CCDC201: variants seen among roughly 807,000 people sequenced by gnomAD.
CCDC201 encodes the protein coiled-coil domain containing 201.
the CCDC201 span, among the ~76,000 whole-genome samples, chr7:45,883,975 C>CT: frequency 5.3e-5 from 8 of 151,588 alleles, no homozygotes; most frequent in Non-Finnish European, 1.0e-4. Flanking sequence ...CTTTTTCTTT[C>CT]TTTCTTTTCT....
At chr7:45,864,024 G>A (rs938423019) in intron 2 of CCDC201, among the ~76,000 whole-genome samples, 39 of 152,248 alleles carry the variant, frequency 2.6e-4, no homozygotes, top group African/African-American at 8.7e-4. Flanking sequence ...TCATCTGGTA[G>A]GAGGACCAGC....
the CCDC201 span, among the ~76,000 whole-genome samples, chr7:45,881,473 G>A: frequency 0.01 from 1,594 of 152,228 alleles, 27 homozygotes; most frequent in African/African-American, 0.035. Context: ...TGTGGGATGC[G>A]CCCCCAGAGG....
upstream of CCDC201, among the ~76,000 whole-genome samples, chr7:45,875,646 C>T (rs1028524367): frequency 2.0e-5 from 3 of 152,082 alleles, no homozygotes; most frequent in African/African-American, 4.8e-5. Context: ...CCCTTAGCAC[C>T]GTCAATTCAT....
the CCDC201 span, among the ~76,000 whole-genome samples, chr7:45,883,095 T>TAAACG: frequency 6.6e-6 from 1 of 152,140 alleles, no homozygotes; most frequent in African/African-American, 2.4e-5. Context: ...TAGTAAACGT[T>TAAACG]TATGAAACAC....
chr7:45,872,892 G>T (rs1786757546), intron 1 of CCDC201, 98 bp downstream of exon 1: 1 of 152,914 alleles, frequency 6.5e-6, no homozygotes, highest in South Asian at 2.1e-4. Flanking sequence ...CCAACCTCTT[G>T]CTCGGGCAGC....
exon 3 of CCDC201, chr7:45,861,335 C>T (rs1042588537): frequency 6.6e-6 from 1 of 151,658 alleles, no homozygotes; most frequent in Non-Finnish European, 1.5e-5. Context: ...AATTTTGTAA[C>T]CCAATAATAT....
At chr7:45,864,187 C>G (rs2116516516) in intron 2 of CCDC201, among the ~76,000 whole-genome samples, 1 of 152,304 alleles carries the variant, frequency 6.6e-6, no homozygotes, top group Middle Eastern at 3.4e-3. Flanking sequence ...TCTGGACTCC[C>G]AGAAACTCAG....
intron 1 of CCDC201, among the ~76,000 whole-genome samples, chr7:45,869,580 T>C (rs1786719563): frequency 6.6e-6 from 1 of 152,192 alleles, no homozygotes; most frequent in Admixed American, 6.5e-5. Flanking sequence ...AGTATGTTTA[T>C]TTTGTACATC....
chr7:45,862,952 C>T (rs1017137505), exon 3 of CCDC201: 5 of 152,298 alleles, frequency 3.3e-5, no homozygotes, highest in Non-Finnish European at 5.9e-5. Flanking sequence ...CTTCTCAAAC[C>T]TGTTTTTCCC....
At chr7:45,876,097 G>A (rs1359804142), upstream of CCDC201, among the ~76,000 whole-genome samples, 2 of 152,302 alleles carry the variant, frequency 1.3e-5, no homozygotes, top group East Asian at 3.9e-4. Context: ...GAGGACAGCA[G>A]AGTGTGTCCT....
At chr7:45,884,099 C>G in the CCDC201 span, among the ~76,000 whole-genome samples, 1 of 118,946 alleles carries the variant, frequency 8.4e-6, no homozygotes, top group African/African-American at 3.0e-5. Flanking sequence ...CTTTCTTTCT[C>G]TCCTCTCTCT....
upstream of CCDC201, among the ~76,000 whole-genome samples, chr7:45,877,905 G>A (rs1786833582): frequency 6.6e-6 from 1 of 152,182 alleles, no homozygotes; most frequent in African/African-American, 2.4e-5. Flanking sequence ...AATCTCATCT[G>A]AGACAAAGAA....
chr7:45,861,780 G>T (rs1373823043), exon 3 of CCDC201: 1 of 152,254 alleles, frequency 6.6e-6, no homozygotes. Flanking sequence ...GACTCCAGAT[G>T]CCAGCCCACC....
chr7:45,880,953 C>T, the CCDC201 span, among the ~76,000 whole-genome samples: 1 of 152,106 alleles, frequency 6.6e-6, no homozygotes, highest in Admixed American at 6.5e-5. Flanking sequence ...CTGACAGAAT[C>T]CCCATGGGGG....
the CCDC201 span, among the ~76,000 whole-genome samples, chr7:45,883,354 A>G: frequency 1.3e-5 from 2 of 152,136 alleles, no homozygotes; most frequent in African/African-American, 2.4e-5. Flanking sequence ...AGTATAACCC[A>G]ATGTGAGATC....
intron 2 of CCDC201, among the ~76,000 whole-genome samples, chr7:45,864,774 C>G (rs995977720): frequency 6.6e-6 from 1 of 152,130 alleles, no homozygotes; most frequent in African/African-American, 2.4e-5. Context: ...CAGAACTGAG[C>G]AACTCTCCTA....
At chr7:45,861,014 T>A (rs1203069958) in exon 3 of CCDC201, 1 of 152,224 alleles carries the variant, frequency 6.6e-6, no homozygotes, top group African/African-American at 2.4e-5. Context: ...TTCTTCTGAG[T>A]GCTGATAATT....
exon 3 of CCDC201, chr7:45,861,481 T>C (rs1252925494): frequency 1.3e-5 from 2 of 152,160 alleles, no homozygotes; most frequent in Non-Finnish European, 2.9e-5. Flanking sequence ...TCCAATGAAA[T>C]ATGAAGTTAC....
chr7:45,871,587 A>T (rs1416992315), intron 1 of CCDC201, among the ~76,000 whole-genome samples: 1 of 152,188 alleles, frequency 6.6e-6, no homozygotes, highest in African/African-American at 2.4e-5. Flanking sequence ...GACTACATAT[A>T]AACTTATAAA....
Sources: gnomAD v4.1 joint callset for allele counts (sites outside exome capture counted in the v4.1 genomes callset) on GRCh38, gnomAD v4.1.1 for gene constraint, MANE v1.5 for transcripts, NCBI Gene and HGNC (gene_info 2026-07-23, HGNC 2026-07-21) for gene names.